CPED1: variants seen among roughly 807,000 people sequenced by gnomAD.
The protein encoded by CPED1 is cadherin like and PC-esterase domain containing 1.
In CPED1, 114 loss-of-function variants were observed where a neutral mutation model predicts 128.2. That is an observed-to-expected ratio of 0.89 (90% CI 0.76 to 1.04). CPED1 has a LOEUF of 1.04. Among genes scored for constraint, CPED1 ranks in the 50% least tolerant of loss-of-function variants. CPED1 has a pLI of 0.00. For missense variants in CPED1, 1,211 were observed against 1,207.1 expected (o/e 1.00, Z -0.05); for synonymous variants, 462 against 426.7 (o/e 1.08, Z -1.02).
chr7:121,178,319 G>A (rs1406320327), intron 16 of CPED1, among the ~76,000 whole-genome samples: 7 of 152,076 alleles, frequency 4.6e-5, no homozygotes, highest in Non-Finnish European at 8.8e-5. Context: ...TTTCTTTTCA[G>A]AGAAAGAAAG....
intron 16 of CPED1, among the ~76,000 whole-genome samples, chr7:121,198,464 G>C (rs181753204): frequency 3.9e-5 from 6 of 152,210 alleles, no homozygotes; most frequent in African/African-American, 1.4e-4. Context: ...AGTGTGAGTG[G>C]AGCAAGCACA....
At chr7:121,110,639 T>C (rs926504174) in intron 7 of CPED1, among the ~76,000 whole-genome samples, 6 of 151,972 alleles carry the variant, frequency 3.9e-5, no homozygotes, top group African/African-American at 2.4e-5. Context: ...GGGTGAGTGG[T>C]AGAGAGATTG....
intron 18 of CPED1, among the ~76,000 whole-genome samples, chr7:121,257,403 T>G (rs1285036300): frequency 1.3e-5 from 2 of 152,082 alleles, no homozygotes; most frequent in African/African-American, 4.8e-5. Context: ...ATTTTTACAG[T>G]GTGTGAGCAC....
At chr7:121,076,064 G>T (rs2116112138) in intron 5 of CPED1, among the ~76,000 whole-genome samples, 1 of 152,206 alleles carries the variant, frequency 6.6e-6, no homozygotes, top group South Asian at 2.1e-4. Context: ...TCAGTACATG[G>T]TCATAGTCCC....
At chr7:121,189,042 A>T (rs1390356797) in intron 16 of CPED1, among the ~76,000 whole-genome samples, 2 of 152,170 alleles carry the variant, frequency 1.3e-5, no homozygotes, top group African/African-American at 2.4e-5. Context: ...GCTAACTAGC[A>T]GAGTAGTGAC....
rs541420199 is a variant in CPED1, at chr7:121,112,516, TC to T, written c.919-11812del. ...GCGGAAAGAGGCAACGAATGAATTG[TC>T]CCTAACAGCTTTAAGAGGGAACGTG... On this transcript the variant is annotated intron_variant, in intron 7 of 22. Coordinates refer to ENST00000310396, the MANE Select transcript of CPED1 (RefSeq NM_024913.5). Among the ~76,000 whole-genome samples the T allele has an allele frequency of 1.1e-4, 16 of 152,294 alleles. No homozygotes were observed. In the South Asian group the frequency reaches 3.3e-3, roughly 32 times the overall value.
chr7:121,270,732 A>G (rs1161360560), intron 21 of CPED1, among the ~76,000 whole-genome samples: 2 of 151,882 alleles, frequency 1.3e-5, no homozygotes, highest in African/African-American at 4.8e-5. Context: ...TCATTGGTCT[A>G]TGTGTCTGTT....
intron 16 of CPED1, among the ~76,000 whole-genome samples, chr7:121,223,600 T>C (rs1244418278): frequency 6.6e-6 from 1 of 152,164 alleles, no homozygotes; most frequent in Admixed American, 6.5e-5. Flanking sequence ...GACTTTTTTT[T>C]GGTTGGTAGG....
At chr7:121,125,678 G>A (rs1584530285) in intron 8 of CPED1, 142 bp from the exon 9 acceptor site, 10 of 646,692 alleles carry the variant, frequency 1.5e-5, no homozygotes, top group Middle Eastern at 4.2e-4. Flanking sequence ...TCCATGGTGT[G>A]TATGTGCCAC....
Position 121,064,248 on chromosome 7 carries a change from T to G in CPED1, c.551T>G (p.Leu184Ter). ...QLGLHQKANR[L>*]PEIQQPLCRK... ...TTTCATTCCTTTCAGGCAAACAGAT[T>G]ACCAGAAATACAGCAGCCACTTTGC... The change falls in exon 5 of 23, where the codon TTA becomes TGA. Residue 184 changes from leucine to a stop codon, truncating the protein, a stop_gained. Coordinates refer to ENST00000310396, the MANE Select transcript of CPED1 (RefSeq NM_024913.5). LOFTEE classifies it high-confidence loss of function. 1 of 1,607,146 alleles carries G rather than the reference T, an allele frequency of 6.2e-7. No homozygotes were observed. Among genetic ancestry groups the G allele is most frequent in the Non-Finnish European group, 8.5e-7 (1 of 1,173,634 alleles).
In CPED1 at chr7:121,059,501, A is replaced by G. The variant is rs550418307; in HGVS notation, c.541-4737A>G. 3.3e-5 allele frequency among the ~76,000 whole-genome samples: 5 copies of G among 152,318 alleles called. No individual in the cohort carries two copies. In the East Asian group the frequency reaches 9.6e-4, roughly 29 times the overall value. The stretch of plus-strand genomic sequence containing the variant: ...AAAAAGAGCATTTCTCTAAAATGCA[A>G]CATGATGTGTGTGTCACTCTTAATG... On this transcript the variant is annotated intron_variant, in intron 4 of 22. Transcript: ENST00000310396.
chr7:121,174,434 GA>G (rs878880885), intron 16 of CPED1, among the ~76,000 whole-genome samples: 1 of 151,714 alleles, frequency 6.6e-6, no homozygotes, highest in African/African-American at 2.4e-5. Flanking sequence ...TCAATCTTCT[GA>G]ATATGGGTAG....
At chr7:121,118,909 G>A (rs997481277) in intron 7 of CPED1, among the ~76,000 whole-genome samples, 17 of 152,118 alleles carry the variant, frequency 1.1e-4, no homozygotes, top group Non-Finnish European at 8.8e-5. Context: ...CAAGCCACGA[G>A]GGATCCGCCC....
intron 18 of CPED1, among the ~76,000 whole-genome samples, chr7:121,252,698 A>G (rs1471049547): frequency 6.6e-6 from 1 of 152,182 alleles, no homozygotes; most frequent in East Asian, 1.9e-4. Flanking sequence ...ATGCAGCCAA[A>G]AAACACACGA....
At chr7:120,993,473 A>G (rs1389889902) in intron 2 of CPED1, among the ~76,000 whole-genome samples, 1 of 152,192 alleles carries the variant, frequency 6.6e-6, no homozygotes, top group African/African-American at 2.4e-5. Flanking sequence ...TGACCATTCT[A>G]TATGACATCT....
At chr7:121,203,710 T>C (rs1041359925) in intron 16 of CPED1, among the ~76,000 whole-genome samples, 4 of 152,138 alleles carry the variant, frequency 2.6e-5, no homozygotes, top group Admixed American at 6.6e-5. Context: ...ACTGAAATTG[T>C]TAACAAGTGT....
chr7:121,117,213 G>A (rs867530171), intron 7 of CPED1, among the ~76,000 whole-genome samples: 14 of 150,934 alleles, frequency 9.3e-5, no homozygotes, highest in South Asian at 2.1e-4. Flanking sequence ...TGATTCTCCC[G>A]CCTCAGCCTC....
rs545476585 is a variant in CPED1 at position 121,061,207 on chromosome 7, A to G, written c.541-3031A>G. The G allele has an allele frequency of 9.4e-6, 9 of 959,270 alleles. No homozygotes were observed. The South Asian group carries it at 1.9e-4, about 21-fold the overall frequency. The allele number at this position is 959,270 out of a possible 1,614,324, so 59.4% of individuals were successfully genotyped here. On this transcript the variant is annotated intron_variant, in intron 4 of 22. Coordinates refer to ENST00000310396, the MANE Select transcript of CPED1 (RefSeq NM_024913.5). ...CAGACACATTAGGATTGTGAAAGGT[A>G]TATTGGGATAGAAATCTCTTCTAAT...
At chr7:121,111,034 A>G (rs1481574874) in intron 7 of CPED1, among the ~76,000 whole-genome samples, 1 of 152,158 alleles carries the variant, frequency 6.6e-6, no homozygotes, top group East Asian at 1.9e-4. Flanking sequence ...TGGTGGTGCC[A>G]TTGACTGAGA....
Sources: gnomAD v4.1 joint callset for allele counts (sites outside exome capture counted in the v4.1 genomes callset) on GRCh38, gnomAD v4.1.1 for gene constraint, MANE v1.5 for transcripts, NCBI Gene and HGNC (gene_info 2026-07-23, HGNC 2026-07-21) for gene names.